The following BTRC variants were observed in gnomAD, a reference collection of about 807,000 sequenced individuals.
The protein encoded by BTRC is beta-transducin repeat containing E3 ubiquitin protein ligase, also known as F-box/WD repeat-containing protein 1A.
Under a neutral mutation model 85.5 loss-of-function variants are expected in BTRC, and 42 were observed. The observed-to-expected ratio is 0.49, with a 90% CI of 0.38 to 0.64. BTRC has a LOEUF of 0.64. Ranked by LOEUF, BTRC falls within the 30% of genes least tolerant of loss-of-function variation. The pLI, the probability that BTRC is intolerant of heterozygous loss-of-function variation, is 0.00. For missense variants in BTRC, 594 were observed against 743.5 expected (o/e 0.80, Z 2.34); for synonymous variants, 255 against 263.3 (o/e 0.97, Z 0.30).
chr10:101,532,786 G>A (rs202237837), intron 8 of BTRC, among the ~76,000 whole-genome samples, 166 bp from the exon 9 acceptor site: 29 of 71,834 alleles, frequency 4.0e-4, no homozygotes, highest in Admixed American at 2.9e-3. Flanking sequence ...GTGTGTGTGT[G>A]TGTGCGCGTG....
intron 1 of BTRC, among the ~76,000 whole-genome samples, chr10:101,414,005 T>G (rs1464424437): frequency 6.6e-6 from 1 of 152,198 alleles, no homozygotes; most frequent in Admixed American, 6.5e-5. Context: ...TTGACCATCT[T>G]AACCATTTTT....
intron 3 of BTRC, among the ~76,000 whole-genome samples, chr10:101,473,491 G>A (rs1158171438): frequency 3.1e-5 from 3 of 97,742 alleles, no homozygotes; most frequent in African/African-American, 9.5e-5. Flanking sequence ...TTTTTTTTGA[G>A]ACAGAATCTC....
At chr10:101,410,276 A>G (rs1403314128) in intron 1 of BTRC, among the ~76,000 whole-genome samples, 2 of 151,988 alleles carry the variant, frequency 1.3e-5, no homozygotes, top group African/African-American at 4.8e-5. Context: ...TGAAGGGTAC[A>G]TTATCGTGGT....
chr10:101,515,297 C>T (rs2062008791), intron 4 of BTRC, among the ~76,000 whole-genome samples: 2 of 151,864 alleles, frequency 1.3e-5, no homozygotes, highest in South Asian at 2.1e-4. Flanking sequence ...AGTTTAGGTC[C>T]TTTGCTTTTC....
At chr10:101,460,026 T>C (rs538963712) in intron 2 of BTRC, among the ~76,000 whole-genome samples, 71 of 152,318 alleles carry the variant, frequency 4.7e-4, no homozygotes, top group Non-Finnish European at 9.0e-4. Flanking sequence ...TCAAAAAACA[T>C]AATTAATTTT....
At chr10:101,494,584 C>A (rs1180782038) in intron 4 of BTRC, among the ~76,000 whole-genome samples, 1 of 152,094 alleles carries the variant, frequency 6.6e-6, no homozygotes, top group African/African-American at 2.4e-5. Flanking sequence ...GCATTTTCTT[C>A]TTTTTCTTTC....
chr10:101,392,527 G>A (rs1405558023), intron 1 of BTRC, among the ~76,000 whole-genome samples: 5 of 151,832 alleles, frequency 3.3e-5, no homozygotes, highest in African/African-American at 1.2e-4. Flanking sequence ...ACAGAGTTTC[G>A]TTCTTGTTGC....
At chr10:101,545,479 T>G (rs1433630310) in intron 13 of BTRC, among the ~76,000 whole-genome samples, 1 of 152,194 alleles carries the variant, frequency 6.6e-6, no homozygotes, top group Admixed American at 6.5e-5. Context: ...AGAATGTGAC[T>G]GTATTTGGAG....
At chr10:101,516,097 A>G (rs1269490437) in intron 4 of BTRC, among the ~76,000 whole-genome samples, 2 of 152,228 alleles carry the variant, frequency 1.3e-5, no homozygotes, top group Non-Finnish European at 2.9e-5. Context: ...AAATTAAAAT[A>G]GAAAAAATAT....
intron 13 of BTRC, among the ~76,000 whole-genome samples, chr10:101,541,482 G>T (rs917764107): frequency 1.3e-5 from 2 of 151,940 alleles, no homozygotes; most frequent in African/African-American, 2.4e-5. Context: ...GGATGGTCTC[G>T]ATCTCCTGAC....
In BTRC at chr10:101,404,002, G is replaced by GTATA. The variant is rs753639521; in HGVS notation, c.49-26317_49-26314dup. On this transcript the variant is annotated intron_variant, in intron 1 of 14. Coordinates refer to ENST00000370187, the MANE Select transcript of BTRC (RefSeq NM_033637.4). The stretch of plus-strand genomic sequence containing the variant: ...CCTATCTATGTGTATGTGTGTGTGT[G>GTATA]TATATATATATATATATATATATAT... Among the ~76,000 whole-genome samples, 195 of 61,732 alleles carry GTATA rather than the reference G, an allele frequency of 3.2e-3. 4 individuals carry two copies. The highest frequency in any genetic ancestry group is 8.8e-3 in the African/African-American group (122 of 13,898). 40.5% of individuals were successfully genotyped at this position (61,732 alleles called of 152,430 possible). A position where few individuals can be genotyped will look rare whatever the true frequency, so the allele number is the denominator to read the frequency against.
chr10:101,405,947 A>G (rs906800190), intron 1 of BTRC, among the ~76,000 whole-genome samples: 1 of 152,178 alleles, frequency 6.6e-6, no homozygotes, highest in African/African-American at 2.4e-5. Flanking sequence ...TAGATAAATC[A>G]TTACATCAAG....
intron 1 of BTRC, among the ~76,000 whole-genome samples, chr10:101,388,393 C>G (rs995377054): frequency 6.6e-6 from 1 of 151,856 alleles, no homozygotes; most frequent in Admixed American, 6.6e-5. Flanking sequence ...GGGTCTCTCT[C>G]TGTTGCCCAG....
At chr10:101,382,275 G>T (rs1942955860) in intron 1 of BTRC, among the ~76,000 whole-genome samples, 1 of 151,622 alleles carries the variant, frequency 6.6e-6, no homozygotes, top group African/African-American at 2.4e-5. Context: ...GAGCCACCGC[G>T]TCCGGCCCCT....
chr10:101,474,669 C>G (rs552889773), intron 3 of BTRC, among the ~76,000 whole-genome samples: 3 of 152,272 alleles, frequency 2.0e-5, no homozygotes, highest in Admixed American at 1.3e-4. Flanking sequence ...GTTTTGAACT[C>G]TTATCACTTG....
chr10:101,467,247 A>C (rs1337421469), intron 3 of BTRC, among the ~76,000 whole-genome samples: 1 of 149,532 alleles, frequency 6.7e-6, no homozygotes, highest in Non-Finnish European at 1.5e-5. Context: ...TGTAATGTTC[A>C]TATATGATGG....
intron 2 of BTRC, among the ~76,000 whole-genome samples, chr10:101,430,851 T>C (rs1159844312): frequency 6.6e-6 from 1 of 152,202 alleles, no homozygotes; most frequent in African/African-American, 2.4e-5. Flanking sequence ...TCTTATTTTT[T>C]TTAAATGATT....
At chr10:101,431,719 A>G (rs1944409270) in intron 2 of BTRC, among the ~76,000 whole-genome samples, 1 of 152,178 alleles carries the variant, frequency 6.6e-6, no homozygotes, top group South Asian at 2.1e-4. Flanking sequence ...AAAGAGGGGA[A>G]CTTAGGTTTT....
At chr10:101,539,099 A>G (rs555830221) in intron 13 of BTRC, among the ~76,000 whole-genome samples, 2 of 151,600 alleles carry the variant, frequency 1.3e-5, no homozygotes, top group Non-Finnish European at 2.9e-5. Flanking sequence ...CCCCTGGTCA[A>G]CCCCTTAGTT....
Sources: gnomAD v4.1 joint callset for allele counts (sites outside exome capture counted in the v4.1 genomes callset) on GRCh38, gnomAD v4.1.1 for gene constraint, MANE v1.5 for transcripts, NCBI Gene and HGNC (gene_info 2026-07-23, HGNC 2026-07-21) for gene names.